Variants in UHRF2 observed in about 807,000 individuals in gnomAD.
The protein encoded by UHRF2 is ubiquitin like with PHD and ring finger domains 2.
A neutral mutation model predicts 96.8 loss-of-function variants in UHRF2; 23 were observed. The observed-to-expected ratio is 0.24, with a 90% CI of 0.17 to 0.34. UHRF2 has a LOEUF of 0.34. UHRF2 is among the 10% of genes least tolerant of loss of function. The pLI is 1.00. For synonymous variants in UHRF2, 385 were observed against 332.6 expected (o/e 1.16, Z -1.72); for missense variants, 685 against 981.5 (o/e 0.70, Z 4.04).
intron 4 of UHRF2, among the ~76,000 whole-genome samples, chr9:6,470,257 C>T (rs1823164069): frequency 6.6e-6 from 1 of 151,558 alleles, no homozygotes; most frequent in Admixed American, 6.6e-5. Flanking sequence ...CCTGTAACCC[C>T]AGCTATTTGT....
At chr9:6,465,065 C>T (rs1488981846) in intron 4 of UHRF2, among the ~76,000 whole-genome samples, 1 of 151,926 alleles carries the variant, frequency 6.6e-6, no homozygotes, top group Non-Finnish European at 1.5e-5. Flanking sequence ...TTGATTTCTT[C>T]TTCTTGTCCT....
intron 14 of UHRF2, among the ~76,000 whole-genome samples, chr9:6,503,891 T>C (rs1476870873): frequency 6.6e-6 from 1 of 152,062 alleles, no homozygotes; most frequent in Non-Finnish European, 1.5e-5. Context: ...ATATTGACTT[T>C]GCAACTTTTC....
chr9:6,447,575 G>A (rs1196718051), intron 3 of UHRF2, among the ~76,000 whole-genome samples: 10 of 152,126 alleles, frequency 6.6e-5, no homozygotes, highest in Admixed American at 6.6e-5. Context: ...CATATAGTGA[G>A]TAAGAAGAAA....
At chr9:6,435,495 T>C (rs1162833712) in intron 3 of UHRF2, among the ~76,000 whole-genome samples, 1 of 152,184 alleles carries the variant, frequency 6.6e-6, no homozygotes, top group Admixed American at 6.5e-5. Context: ...AGAGTATAAT[T>C]CGTTGTTTTT....
At chr9:6,486,306 T>C (rs1824286512) in intron 8 of UHRF2, among the ~76,000 whole-genome samples, 1 of 152,154 alleles carries the variant, frequency 6.6e-6, no homozygotes, top group Non-Finnish European at 1.5e-5. Context: ...GAAGATGGAT[T>C]TGAGAAATTT....
intron 2 of UHRF2, among the ~76,000 whole-genome samples, chr9:6,428,474 C>A (rs752375668): frequency 1.3e-4 from 19 of 148,894 alleles, no homozygotes; most frequent in African/African-American, 4.7e-4. Flanking sequence ...ATTTATGCAA[C>A]CCTAATCCCT....
intron 7 of UHRF2, 31 bp from the exon 8 acceptor site, chr9:6,481,961 G>C: frequency 6.2e-7 from 1 of 1,604,070 alleles, no homozygotes; most frequent in Non-Finnish European, 8.5e-7. Context: ...TAACATAACT[G>C]ATTTCTCAAC....
chr9:6,479,216 C>A (rs572061432), intron 6 of UHRF2, among the ~76,000 whole-genome samples: 6 of 152,270 alleles, frequency 3.9e-5, no homozygotes, highest in African/African-American at 1.4e-4. Flanking sequence ...ATTTCCTCTC[C>A]TATTCATACT....
rs183725730 is a variant in UHRF2 at position 6,500,727 on chromosome 9, T to A, written c.2163+18T>A. On this transcript the variant is annotated intron_variant, in intron 14 of 15. Coordinates refer to ENST00000276893, the MANE Select transcript of UHRF2 (RefSeq NM_152896.3). ...AAGGACCAGTATGTGAAGATTTTTTTAAATAATAACATTCTGATATTAACA... is the reference window on the plus strand; with the variant it reads ...AAGGACCAGTATGTGAAGATTTTTTAAAATAATAACATTCTGATATTAACA... The A allele has an allele frequency of 1.9e-4, 295 of 1,590,956 alleles. No homozygotes were observed. In the African/African-American group the frequency reaches 2.7e-3, roughly 14 times the overall value.
intron 9 of UHRF2, among the ~76,000 whole-genome samples, chr9:6,491,228 G>T (rs1824639270): frequency 6.6e-6 from 1 of 152,196 alleles, no homozygotes; most frequent in South Asian, 2.1e-4. Context: ...GCCAGAGTCT[G>T]TTTGGTTTTG....
chr9:6,488,886 C>T (rs1399375618), intron 9 of UHRF2, among the ~76,000 whole-genome samples: 2 of 151,774 alleles, frequency 1.3e-5, no homozygotes, highest in African/African-American at 2.4e-5. Context: ...GATTTCGGCT[C>T]ACTGCAACCT....
chr9:6,499,853 T>G lies in UHRF2; in HGVS notation c.1927T>G (p.Ser643Ala). Residue 643 changes from serine to alanine, a missense_variant, in exon 13 of 16, where the codon TCA (serine) becomes GCA (alanine). This residue lies in a region of UHRF2 where 99 missense variants were observed against 73.5 expected (regional missense o/e 1.35). Transcript: ENST00000276893. ...CCATCAGTATCCAGCAGGTTACCCT[T>G]CAGATAAAGAAGGGAAGAAGCCTAA... ...LRLQYPAGYP[S>A]DKEGKKPKGQ... 6.5e-7 allele frequency: 1 copy of G among 1,540,782 alleles called. No individual in the cohort carries two copies. Among genetic ancestry groups the G allele is most frequent in the Non-Finnish European group, 8.8e-7 (1 of 1,133,656 alleles).
intron 3 of UHRF2, among the ~76,000 whole-genome samples, chr9:6,449,856 A>T (rs918535719): frequency 6.6e-6 from 1 of 152,168 alleles, no homozygotes; most frequent in Admixed American, 6.5e-5. Flanking sequence ...GTGTTGTCAC[A>T]GTTGGTTGTT....
intron 3 of UHRF2, among the ~76,000 whole-genome samples, chr9:6,441,673 G>T (rs1251919976): frequency 6.6e-6 from 1 of 151,654 alleles, no homozygotes; most frequent in Non-Finnish European, 1.5e-5. Flanking sequence ...AAGATGATAT[G>T]CAATACCTGA....
intron 2 of UHRF2, among the ~76,000 whole-genome samples, chr9:6,427,643 C>G (rs1291358646): frequency 6.6e-6 from 1 of 152,142 alleles, no homozygotes; most frequent in African/African-American, 2.4e-5. Flanking sequence ...TTAGACCGCG[C>G]CACTGCACTC....
Sources: gnomAD v4.1 joint callset for allele counts (sites outside exome capture counted in the v4.1 genomes callset) on GRCh38, gnomAD v4.1.1 for gene constraint, gnomAD v4.1.1 regional missense constraint, MANE v1.5 for transcripts, NCBI Gene and HGNC (gene_info 2026-07-23, HGNC 2026-07-21) for gene names.